The following PSME4 variants were observed in gnomAD, a reference collection of about 807,000 sequenced individuals.
The protein encoded by PSME4 is proteasome activator subunit 4, also known as proteasome activator complex subunit 4.
A neutral mutation model predicts 253.9 loss-of-function variants in PSME4; 89 were observed. The ratio of observed to expected loss-of-function variants is 0.35; its 90% CI spans 0.30 to 0.42. The LOEUF is 0.42. PSME4 is among the 10% of genes least tolerant of loss of function. The pLI is 1.00. For synonymous variants in PSME4, 851 were observed against 759.2 expected (o/e 1.12, Z -1.99); for missense variants, 2,014 against 2,195.2 (o/e 0.92, Z 1.65).
intron 35 of PSME4, 115 bp downstream of exon 35, chr2:53,893,559 T>G (rs1361821045): frequency 2.0e-6 from 3 of 1,536,704 alleles, no homozygotes; most frequent in Non-Finnish European, 2.6e-6. Context: ...TAAATTCCAG[T>G]GCCATTTTAG....
intron 3 of PSME4, among the ~76,000 whole-genome samples, chr2:53,943,011 T>C (rs1669523170): frequency 6.6e-6 from 1 of 152,214 alleles, no homozygotes; most frequent in South Asian, 2.1e-4. Context: ...AAACCAATAG[T>C]CTTCGCCTCC....
At chr2:53,936,721 A>G (rs1329699779) in intron 6 of PSME4, 43 bp downstream of exon 6, 2 of 1,422,210 alleles carry the variant, frequency 1.4e-6, no homozygotes, top group Admixed American at 5.1e-5. Flanking sequence ...AAAAAAGAAA[A>G]AAAAAACTAT....
chr2:53,937,629 A>C, intron 4 of PSME4, 89 bp from the exon 5 acceptor site: 1 of 1,234,250 alleles, frequency 8.1e-7, no homozygotes, highest in East Asian at 2.4e-5. Flanking sequence ...AGGCTGGGGG[A>C]GGAGGAGAAT....
chr2:53,919,426 C>A (rs999046775), intron 19 of PSME4, among the ~76,000 whole-genome samples, 180 bp from the exon 20 acceptor site: 2 of 152,180 alleles, frequency 1.3e-5, no homozygotes, highest in African/African-American at 4.8e-5. Flanking sequence ...ATTGCTAACA[C>A]TATGCCTGCT....
Position 53,923,390 on chromosome 2 carries a change from A to C in PSME4, c.1839T>G (p.Ser613=), listed in dbSNP as rs763489767. 25 of 1,609,568 alleles carry C rather than the reference A, an allele frequency of 1.6e-5. No homozygotes were observed. The highest frequency in any genetic ancestry group is 6.8e-6 in the Non-Finnish European group (8 of 1,178,752). Residue 613 remains serine, a synonymous_variant, in exon 15 of 47, where the codon TCT becomes TCG. Transcript: ENST00000404125. The part of the protein sequence containing the change: ...MVALQKVFNF[S]TSHIFETRVA... ...CTCTTGTTTCAAATATATGTGAAGT[A>C]GAAAAATTAAAAACCTTCTGAAGGG...
chr2:53,939,867 T>C, intron 4 of PSME4, 89 bp downstream of exon 4: 1 of 1,194,418 alleles, frequency 8.4e-7, no homozygotes. Flanking sequence ...GAACTATTTA[T>C]ACTTTTCATT....
intron 20 of PSME4, among the ~76,000 whole-genome samples, chr2:53,911,858 C>A (rs1329791056): frequency 6.6e-6 from 1 of 152,052 alleles, no homozygotes; most frequent in Admixed American, 6.6e-5. Context: ...ATCTAAAAAG[C>A]CTGTCATTTG....
At chr2:53,929,993 G>C (rs1231845529) in intron 10 of PSME4, among the ~76,000 whole-genome samples, 1 of 151,736 alleles carries the variant, frequency 6.6e-6, no homozygotes, top group East Asian at 1.9e-4. Context: ...ACTCCAGCCT[G>C]GGCAACAGAG....
chr2:53,964,501 C>T (rs1670628435), intron 1 of PSME4, among the ~76,000 whole-genome samples: 1 of 152,150 alleles, frequency 6.6e-6, no homozygotes, highest in Non-Finnish European at 1.5e-5. Context: ...GATCACTTAA[C>T]AACAAAGTAA....
chr2:53,940,106 T>C, intron 3 of PSME4, 106 bp from the exon 4 acceptor site: 1 of 861,764 alleles, frequency 1.2e-6, no homozygotes, highest in East Asian at 2.9e-5. Flanking sequence ...AGGTATTATT[T>C]GTTTACATGT....
In PSME4 at chr2:53,906,607, T is replaced by C. The variant is rs805316; in HGVS notation, c.2934A>G (p.Ser978=). ...IRDLLRLSTS[S]YSQVRNKAQQ... ...TTTGGATAAGCCTTACCTGACTGTA[T>C]GAACTTGTAGATAAACGAAGAAGAT... is the stretch of plus-strand genomic sequence containing the variant. The change falls in exon 26 of 47, where the codon TCA becomes TCG. Residue 978 remains serine, a synonymous_variant. Transcript: ENST00000404125. The C allele has an allele frequency of 0.27, 421,276 of 1,584,522 alleles. 57,946 individuals are homozygous for C. The highest frequency in any genetic ancestry group is 0.32 in the South Asian group (27,985 of 86,156).
Position 53,919,216 on chromosome 2 carries a change from C to T in PSME4, c.2451G>A (p.Val817=), listed in dbSNP as rs773840599. 2 of 1,607,828 alleles carry T rather than the reference C, an allele frequency of 1.2e-6. No individual in the cohort carries two copies. The highest frequency in any genetic ancestry group is 1.3e-5 in the African/African-American group (1 of 74,374). Residue 817 remains valine (V), a synonymous_variant, in exon 20 of 47, where the codon GTG becomes GTA. Transcript: ENST00000404125. ...RDDILQSLTI[V]HNCLIGSGNL... Reference sequence around the variant, plus strand: ...TTCCAGAGCCAATTAAACAGTTGTGCACTATAGTCAGACTCTGTAGAATAT... The same window carrying T: ...TTCCAGAGCCAATTAAACAGTTGTGTACTATAGTCAGACTCTGTAGAATAT...
At chr2:53,949,009 T>C (rs1177468378) in intron 2 of PSME4, 134 bp downstream of exon 2, 18 of 1,200,792 alleles carry the variant, frequency 1.5e-5, no homozygotes, top group African/African-American at 4.6e-5. Flanking sequence ...AAAATTAAGA[T>C]AATGTTTTTT....
rs1171056300 is a variant in PSME4 at position 53,882,387 on chromosome 2, A to T, written c.4815+3303T>A. On this transcript the variant is annotated intron_variant, in intron 41 of 46. Transcript: ENST00000404125. The stretch of plus-strand genomic sequence containing the variant: ...TAATTTAAACTCTTGCTATTTGCTA[A>T]TGGCAACTCAGGAAATGGAAAATGC... Among the ~76,000 whole-genome samples the T allele has an allele frequency of 3.3e-5, 5 of 152,182 alleles. 1 individual carries two copies. The highest frequency in any genetic ancestry group is 1.2e-4 in the African/African-American group (5 of 41,432).
At chr2:53,954,830 C>A (rs1363536470) in intron 1 of PSME4, among the ~76,000 whole-genome samples, 2 of 147,882 alleles carry the variant, frequency 1.4e-5, no homozygotes, top group Admixed American at 6.7e-5. Context: ...AACAGAGAGA[C>A]CTGTCTCAAA....
At chr2:53,902,744 C>A (rs1039526899) in intron 27 of PSME4, among the ~76,000 whole-genome samples, 6 of 152,190 alleles carry the variant, frequency 3.9e-5, no homozygotes, top group African/African-American at 1.4e-4. Flanking sequence ...TCTGTCTCAA[C>A]TACTCTTCTC....
At position 53,932,003 on chromosome 2, in the gene PSME4, G is replaced by C. The variant is rs1363821731; in HGVS notation, c.1148C>G (p.Pro383Arg). ...TTGATCAGTAAGCTTGTGGCTATCA[G>C]GCACAGGAGTTAACCAAGAGGGCTT... The part of the protein sequence containing the change: ...YKKPSWLTPV[P>R]DSHKLTDQDV... Residue 383 changes from proline (P) to arginine (R), a missense_variant, in exon 10 of 47, where the codon CCT (proline) becomes CGT (arginine). Physicochemically the swap from Pro to Arg is moderately radical, Grantham distance 103 (BLOSUM62 -2). Around this residue, in one of 4 missense-constraint regions of PSME4, gnomAD observed 615 missense variants for 594.4 expected, o/e 1.03. Transcript: ENST00000404125. 6.2e-7 allele frequency: 1 copy of C among 1,613,782 alleles called. No individual in the cohort carries two copies. Among genetic ancestry groups the C allele is most frequent in the Non-Finnish European group, 8.5e-7 (1 of 1,179,796 alleles).
At chr2:53,903,185 C>T (rs1183514224) in intron 27 of PSME4, among the ~76,000 whole-genome samples, 1 of 152,152 alleles carries the variant, frequency 6.6e-6, no homozygotes, top group Non-Finnish European at 1.5e-5. Context: ...ATGGTATCTT[C>T]GGACTCAGAT....
At chr2:53,954,313 G>C (rs928424753) in intron 1 of PSME4, among the ~76,000 whole-genome samples, 4 of 150,804 alleles carry the variant, frequency 2.7e-5, no homozygotes, top group South Asian at 2.1e-4. Context: ...GGGCAACAGA[G>C]GGAGACTCCA....
Sources: allele counts gnomAD v4.1 joint callset (sites outside exome capture counted in the v4.1 genomes callset), GRCh38; gene constraint gnomAD v4.1.1; regional missense constraint gnomAD v4.1.1; transcripts MANE v1.5; gene names NCBI Gene and HGNC (gene_info 2026-07-23, HGNC 2026-07-21).